The following UBR3 variants were observed in gnomAD, a reference collection of about 807,000 sequenced individuals.
UBR3 encodes E3 ubiquitin-protein ligase UBR3.
UBR3 carries 85 observed loss-of-function variants against 243.2 expected under a neutral mutation model. The observed-to-expected ratio is 0.35, with a 90% CI of 0.29 to 0.42. The LOEUF is 0.42. Ranked by LOEUF, UBR3 falls within the 10% of genes least tolerant of loss-of-function variation. The probability of loss-of-function intolerance (pLI) is 1.00; values close to 1 mark genes in which losing one functional copy is unlikely to be tolerated. For missense variants in UBR3, 1,686 were observed against 2,300.8 expected (o/e 0.73, Z 5.47); for synonymous variants, 748 against 799.8 (o/e 0.94, Z 1.09).
intron 1 of UBR3, among the ~76,000 whole-genome samples, chr2:169,831,125 ATATTTTTTTTTTTTTT>A (rs1389002740): frequency 3.6e-5 from 2 of 55,284 alleles, no homozygotes; most frequent in Non-Finnish European, 6.8e-5. Context: ...ATATATATAT[ATATTTTTTTTTTTTTT>A]TTTTTTTTTT....
intron 23 of UBR3, among the ~76,000 whole-genome samples, chr2:169,957,866 T>A (rs1264199900): frequency 2.0e-5 from 3 of 152,220 alleles, no homozygotes; most frequent in Non-Finnish European, 4.4e-5. Context: ...TGAGACTCCT[T>A]CACATTCTTT....
intron 1 of UBR3, among the ~76,000 whole-genome samples, chr2:169,830,984 TAC>T (rs2081912175): frequency 6.6e-6 from 1 of 151,434 alleles, no homozygotes; most frequent in Non-Finnish European, 1.5e-5. Context: ...AAGGTATTCA[TAC>T]AGTTTTAGGG....
chr2:169,940,771 C>T (rs891527217), intron 19 of UBR3, among the ~76,000 whole-genome samples: 2 of 152,164 alleles, frequency 1.3e-5, no homozygotes, highest in African/African-American at 2.4e-5. Context: ...CAGTTGTCCC[C>T]TCTTATCTGT....
At chr2:169,939,201 C>T (rs1430291104) in intron 19 of UBR3, among the ~76,000 whole-genome samples, 1 of 151,374 alleles carries the variant, frequency 6.6e-6, no homozygotes, top group Non-Finnish European at 1.5e-5. Flanking sequence ...TTGATTGTCT[C>T]TCTCCTCCCA....
intron 35 of UBR3, among the ~76,000 whole-genome samples, chr2:170,069,366 GAT>G (rs1559234311): frequency 6.6e-6 from 1 of 151,856 alleles, no homozygotes; most frequent in Non-Finnish European, 1.5e-5. Context: ...GTAATGTTTT[GAT>G]ATATATGTAT....
At chr2:169,832,955 G>C (rs2081985196) in intron 1 of UBR3, among the ~76,000 whole-genome samples, 1 of 152,022 alleles carries the variant, frequency 6.6e-6, no homozygotes, top group South Asian at 2.1e-4. Flanking sequence ...AATGCTTTAT[G>C]GGTGGATGAA....
At position 170,029,394 on chromosome 2, in the gene UBR3, ACT is replaced by A. The variant is rs1373566003; in HGVS notation, c.4505_4506del (p.Ser1502Ter). ...TTGCACATGCGGCTTTATAGCATTG[ACT>A]CTGAGTATAATCCCTGGAGAAAGCT... On this transcript the variant is annotated frameshift_variant, in exon 31 of 39. Transcript: ENST00000272793. LOFTEE classifies it high-confidence loss of function. 1 of 1,611,760 alleles carries A rather than the reference ACT, an allele frequency of 6.2e-7. No homozygotes were observed. Among genetic ancestry groups the A allele is most frequent in the Non-Finnish European group, 8.5e-7 (1 of 1,178,784 alleles).
intron 1 of UBR3, among the ~76,000 whole-genome samples, chr2:169,866,396 C>T (rs1394208207): frequency 1.3e-5 from 2 of 149,768 alleles, no homozygotes; most frequent in Non-Finnish European, 3.0e-5. Flanking sequence ...TGAAGTCTTG[C>T]TCTGTCATCC....
intron 10 of UBR3, among the ~76,000 whole-genome samples, chr2:169,908,883 G>A (rs1403313704): frequency 6.7e-6 from 1 of 149,346 alleles, no homozygotes; most frequent in East Asian, 2.0e-4. Flanking sequence ...GAATGCAGTG[G>A]CACAATCTTG....
At chr2:169,983,777 A>T (rs952476378) in intron 24 of UBR3, among the ~76,000 whole-genome samples, 1 of 152,218 alleles carries the variant, frequency 6.6e-6, no homozygotes, top group African/African-American at 2.4e-5. Context: ...TTTTCTGTTC[A>T]TGTAAAACCA....
At chr2:169,847,454 A>G (rs931038737) in intron 1 of UBR3, among the ~76,000 whole-genome samples, 2 of 152,136 alleles carry the variant, frequency 1.3e-5, no homozygotes, top group Non-Finnish European at 2.9e-5. Context: ...TAGTATAGAA[A>G]CCTTATAATA....
At position 169,872,212 on chromosome 2, in the gene UBR3, A is replaced by T. The variant is rs1045560300; in HGVS notation, c.546-24A>T. 7 of 1,454,524 alleles carry T rather than the reference A, an allele frequency of 4.8e-6. No individual in the cohort carries two copies. In the African/African-American group the frequency reaches 8.6e-5, roughly 18 times the overall value. The allele number at this position is 1,454,524 out of a possible 1,614,324, so 90.1% of individuals were successfully genotyped here. ...TTTAGCTGATTAGACATTACTGTTAATTTTTTTCTTTTTCATATTACAGGT... is the reference window on the plus strand; with the variant it reads ...TTTAGCTGATTAGACATTACTGTTATTTTTTTTCTTTTTCATATTACAGGT... On this transcript the variant is annotated intron_variant, in intron 1 of 38. Transcript: ENST00000272793.
intron 32 of UBR3, among the ~76,000 whole-genome samples, chr2:170,050,813 A>G (rs2091199676): frequency 6.6e-6 from 1 of 152,216 alleles, no homozygotes; most frequent in Non-Finnish European, 1.5e-5. Flanking sequence ...CATTCAATAA[A>G]TAAACATCTG....
rs922632434 is a variant in UBR3 at position 170,080,285 on chromosome 2, G to T, written c.5410-260G>T. 7 of 561,414 alleles carry T rather than the reference G, an allele frequency of 1.2e-5. No individual in the cohort carries two copies. In the African/African-American group the frequency reaches 1.3e-4, roughly 11 times the overall value. The allele number at this position is 561,414 out of a possible 1,614,324, so 34.8% of individuals were successfully genotyped here. On this transcript the variant is annotated intron_variant, in intron 37 of 38. Transcript: ENST00000272793. ...TGGTATGTACTTTGGAATGTGCTGTGAAACAGAAGTCATCTGTGCTGTTGA... is the reference window on the plus strand; with the variant it reads ...TGGTATGTACTTTGGAATGTGCTGTTAAACAGAAGTCATCTGTGCTGTTGA...
At chr2:170,004,277 A>G (rs756072778) in intron 27 of UBR3, among the ~76,000 whole-genome samples, 9 of 152,162 alleles carry the variant, frequency 5.9e-5, no homozygotes, top group Non-Finnish European at 4.4e-5. Flanking sequence ...ATGAGGGGGA[A>G]GAAGGAATCA....
chr2:170,077,117 CTT>C (rs1402762413), intron 36 of UBR3: 4 of 430,570 alleles, frequency 9.3e-6, no homozygotes, highest in Non-Finnish European at 9.0e-6. Flanking sequence ...TAATAAATCT[CTT>C]GATTGCAGAC....
chr2:169,869,353 C>G (rs1251007015), intron 1 of UBR3, among the ~76,000 whole-genome samples: 1 of 150,824 alleles, frequency 6.6e-6, no homozygotes, highest in Admixed American at 6.7e-5. Context: ...TCCTGAGTAG[C>G]TAGGACTACA....
chr2:170,027,078 A>AC (rs1247487098), intron 30 of UBR3, among the ~76,000 whole-genome samples: 2 of 151,698 alleles, frequency 1.3e-5, no homozygotes, highest in East Asian at 3.9e-4. Flanking sequence ...TTAATCATAA[A>AC]CCCCCCAAAA....
intron 6 of UBR3, 140 bp from the exon 7 acceptor site, chr2:169,895,041 C>T: frequency 1.3e-6 from 1 of 746,586 alleles, no homozygotes; most frequent in East Asian, 3.5e-5. Context: ...AGAAATCTAG[C>T]TTGTCAATAT....
Sources: gnomAD v4.1 joint callset for allele counts (sites outside exome capture counted in the v4.1 genomes callset) on GRCh38, gnomAD v4.1.1 for gene constraint, MANE v1.5 for transcripts, NCBI Gene and HGNC (gene_info 2026-07-23, HGNC 2026-07-21) for gene names.